Variants in PPCDC observed in about 807,000 individuals in gnomAD.
PPCDC encodes the protein phosphopantothenoylcysteine decarboxylase.
In PPCDC, 20 loss-of-function variants were observed where a neutral mutation model predicts 20.7. That is an observed-to-expected ratio of 0.97 (90% CI 0.68 to 1.41). The LOEUF (loss-of-function observed/expected upper bound fraction) is 1.41, where lower values mean the gene tolerates loss of function less well. PPCDC is among the 40% of genes most tolerant of loss of function. The pLI, the probability that PPCDC is intolerant of heterozygous loss-of-function variation, is 0.00. For missense variants in PPCDC, 246 were observed against 263.8 expected (o/e 0.93, Z 0.47); for synonymous variants, 88 against 100.3 (o/e 0.88, Z 0.73).
At chr15:75,030,915 G>A (rs1413999650) in intron 2 of PPCDC, among the ~76,000 whole-genome samples, 1 of 152,220 alleles carries the variant, frequency 6.6e-6, no homozygotes, top group Admixed American at 6.5e-5. Context: ...AGACTGTGAG[G>A]GGTGGTGGAG....
intron 2 of PPCDC, among the ~76,000 whole-genome samples, chr15:75,040,445 TTAAC>T (rs967592331): frequency 2.6e-5 from 4 of 152,226 alleles, no homozygotes; most frequent in Admixed American, 1.3e-4. Flanking sequence ...TTTACCTTAT[TTAAC>T]TAAAAGCTTT....
intron 2 of PPCDC, among the ~76,000 whole-genome samples, chr15:75,042,645 T>G (rs1595909669): frequency 8.9e-6 from 1 of 111,774 alleles, no homozygotes; most frequent in Admixed American, 1.1e-4. Flanking sequence ...AAAGTAAGAC[T>G]CCATCTCAAA....
At chr15:75,028,066 T>G (rs897543872) in intron 1 of PPCDC, 181 bp from the exon 2 acceptor site, 2 of 502,428 alleles carry the variant, frequency 4.0e-6, no homozygotes, top group African/African-American at 3.9e-5. Context: ...CATCATTCCC[T>G]TGTGACTGGC....
chr15:75,050,064 T>A lies in PPCDC; in HGVS notation c.*829T>A, dbSNP rs2066296287. On this transcript the variant is annotated 3_prime_UTR_variant, in exon 6 of 6. Transcript: ENST00000342932. ...TGTGCAGAATACCCATGCCACTGAG[T>A]GCCTGGAACGTAGTAAATGTCAAAT... 6.6e-6 allele frequency: 1 copy of A among 152,238 alleles called. No homozygotes were observed. Among genetic ancestry groups the A allele is most frequent in the Non-Finnish European group, 1.5e-5 (1 of 68,042 alleles). 9.4% of individuals were successfully genotyped at this position (152,238 alleles called of 1,614,324 possible). A position where few individuals can be genotyped will look rare whatever the true frequency, so the allele number is the denominator to read the frequency against.
chr15:75,043,416 G>A (rs765042584), intron 2 of PPCDC, 25 bp from the exon 3 acceptor site: 14 of 1,574,306 alleles, frequency 8.9e-6, no homozygotes, highest in South Asian at 4.6e-5. Flanking sequence ...CTCCCTCCCC[G>A]CCACCCCCTT....
intron 2 of PPCDC, among the ~76,000 whole-genome samples, chr15:75,036,378 C>T (rs2141485240): frequency 6.6e-6 from 1 of 152,288 alleles, no homozygotes; most frequent in East Asian, 1.9e-4. Flanking sequence ...AAGTGACATC[C>T]CTCTAAAACC....
At position 75,041,027 on chromosome 15, in the gene PPCDC, TG is replaced by T. The variant is rs201442725; in HGVS notation, c.136-2413del. ...TCTTTTTCTCCTTTCGTATCCTTTA[TG>T]TGTAGATTGAATTTCCTTCTGTGGG... On this transcript the variant is annotated intron_variant, in intron 2 of 5. Transcript: ENST00000342932. Among the ~76,000 whole-genome samples, 768 of 152,340 alleles carry T rather than the reference TG, an allele frequency of 5.0e-3. 7 individuals carry two copies. The highest frequency in any genetic ancestry group is 0.018 in the African/African-American group (744 of 41,564).
At chr15:75,028,737 G>A (rs991453438) in intron 2 of PPCDC, among the ~76,000 whole-genome samples, 2 of 152,130 alleles carry the variant, frequency 1.3e-5, no homozygotes, top group African/African-American at 4.8e-5. Context: ...TTAACCCTGA[G>A]AATCCGTGAA....
intron 2 of PPCDC, among the ~76,000 whole-genome samples, chr15:75,037,748 G>A (rs1182109985): frequency 6.6e-6 from 1 of 152,126 alleles, no homozygotes; most frequent in Non-Finnish European, 1.5e-5. Context: ...TGTTGTTGTT[G>A]TTGTTGTTTT....
chr15:75,044,754 C>T (rs541256742), intron 4 of PPCDC: 10 of 481,418 alleles, frequency 2.1e-5, no homozygotes, highest in Admixed American at 1.2e-4. Flanking sequence ...GTCCCCCTCT[C>T]CCCTGCCCTT....
Position 75,050,204 on chromosome 15 carries a change from C to T in PPCDC, c.*969C>T, listed in dbSNP as rs1051199655. ...ATCCTGGATGCTAAGTTGACACATCCCTTTATGCAAGTGACAGGTAAGCAG... is the reference window on the plus strand; with the variant it reads ...ATCCTGGATGCTAAGTTGACACATCTCTTTATGCAAGTGACAGGTAAGCAG... On this transcript the variant is annotated 3_prime_UTR_variant, in exon 6 of 6. Coordinates refer to ENST00000342932, the MANE Select transcript of PPCDC (RefSeq NM_021823.5). 1 of 152,226 alleles carries T rather than the reference C, an allele frequency of 6.6e-6. No homozygotes were observed. Among genetic ancestry groups the T allele is most frequent in the Non-Finnish European group, 1.5e-5 (1 of 68,040 alleles). 9.4% of individuals were successfully genotyped at this position (152,226 alleles called of 1,614,324 possible).
chr15:75,036,501 T>C (rs1431476930), intron 2 of PPCDC, among the ~76,000 whole-genome samples: 1 of 152,118 alleles, frequency 6.6e-6, no homozygotes, highest in Non-Finnish European at 1.5e-5. Context: ...GACCCGCCCA[T>C]CACATACTCT....
At chr15:75,048,425 C>A (rs1016151811) in intron 4 of PPCDC, 128 bp from the exon 5 acceptor site, 3 of 1,278,570 alleles carry the variant, frequency 2.3e-6, no homozygotes, top group Non-Finnish European at 3.2e-6. Context: ...TGAGACAGCT[C>A]CCTGCAGGCA....
At chr15:75,042,174 G>C (rs1220696119) in intron 2 of PPCDC, among the ~76,000 whole-genome samples, 1 of 152,154 alleles carries the variant, frequency 6.6e-6, no homozygotes, top group African/African-American at 2.4e-5. Flanking sequence ...CTATAGCTCT[G>C]GCTGGTTGAT....
At chr15:75,041,541 G>A (rs924696628) in intron 2 of PPCDC, among the ~76,000 whole-genome samples, 3 of 152,202 alleles carry the variant, frequency 2.0e-5, no homozygotes, top group African/African-American at 7.2e-5. Flanking sequence ...TGAGATGGGA[G>A]GATCACCTGA....
chr15:75,046,940 C>T (rs887696707), intron 4 of PPCDC, among the ~76,000 whole-genome samples: 2 of 152,274 alleles, frequency 1.3e-5, no homozygotes, highest in South Asian at 2.1e-4. Context: ...GAGCTGGTCT[C>T]CTGACTGGGA....
intron 2 of PPCDC, among the ~76,000 whole-genome samples, chr15:75,040,618 C>T (rs1182174841): frequency 6.6e-6 from 1 of 151,882 alleles, no homozygotes; most frequent in Non-Finnish European, 1.5e-5. Context: ...TAGGATTTAC[C>T]TATGCTGTCT....
intron 2 of PPCDC, among the ~76,000 whole-genome samples, chr15:75,035,926 C>T (rs2066079140): frequency 7.2e-6 from 1 of 139,304 alleles, no homozygotes; most frequent in African/African-American, 2.7e-5. Context: ...GAGATAGTGT[C>T]ATTGCACTCC....
At chr15:75,024,318 A>G (rs758578966) in intron 1 of PPCDC, among the ~76,000 whole-genome samples, 52 of 151,708 alleles carry the variant, frequency 3.4e-4, no homozygotes, top group Non-Finnish European at 7.1e-4. Flanking sequence ...TGTTAGATAC[A>G]TTTATCCCTC....
Sources: allele counts gnomAD v4.1 joint callset (sites outside exome capture counted in the v4.1 genomes callset), GRCh38; gene constraint gnomAD v4.1.1; transcripts MANE v1.5; gene names NCBI Gene and HGNC (gene_info 2026-07-23, HGNC 2026-07-21).